Variants in ZNF385D observed in about 807,000 individuals in gnomAD.
The protein encoded by ZNF385D is zinc finger protein 659.
In ZNF385D, 15 loss-of-function variants were observed where a neutral mutation model predicts 35.8. The observed-to-expected ratio is 0.42, with a 90% CI of 0.28 to 0.64. ZNF385D has a LOEUF of 0.64. ZNF385D is among the 30% of genes least tolerant of loss of function. ZNF385D has a pLI of 0.23. For synonymous variants in ZNF385D, 212 were observed against 186.8 expected, an observed-to-expected ratio of 1.13 and a Z score of -1.10; for missense variants, 474 against 494.6, an observed-to-expected ratio of 0.96 and a Z score of 0.39.
chr3:22,100,486 T>C (rs1286443548), intron 3 of ZNF385D, among the ~76,000 whole-genome samples: 1 of 151,798 alleles, frequency 6.6e-6, no homozygotes, highest in Non-Finnish European at 1.5e-5. Flanking sequence ...ATATACACCA[T>C]GGATATACTA....
At chr3:22,102,341 G>C (rs1701981258) in intron 3 of ZNF385D, among the ~76,000 whole-genome samples, 1 of 151,902 alleles carries the variant, frequency 6.6e-6, no homozygotes, top group Admixed American at 6.6e-5. Context: ...GAAATGTGAA[G>C]AACCAAAAAC....
chr3:21,743,561 G>A (rs1319974215), intron 1 of ZNF385D, among the ~76,000 whole-genome samples: 2 of 152,188 alleles, frequency 1.3e-5, no homozygotes, highest in Non-Finnish European at 1.5e-5. Flanking sequence ...CTTTCTTCCT[G>A]GCTTGCAGCA....
At chr3:21,652,402 A>G (rs181745572) in intron 2 of ZNF385D, among the ~76,000 whole-genome samples, 40 of 152,214 alleles carry the variant, frequency 2.6e-4, no homozygotes, top group African/African-American at 9.6e-4. Context: ...ACATTTAAGT[A>G]TTTATACTGG....
intron 3 of ZNF385D, among the ~76,000 whole-genome samples, chr3:21,960,618 A>G (rs1702536089): frequency 6.6e-6 from 1 of 152,150 alleles, no homozygotes; most frequent in South Asian, 2.1e-4. Context: ...TCAGTATATA[A>G]AAAGGACACC....
chr3:21,811,727 T>A (rs2072929102), intron 3 of ZNF385D, among the ~76,000 whole-genome samples: 3 of 152,146 alleles, frequency 2.0e-5, no homozygotes, highest in Admixed American at 6.5e-5. Flanking sequence ...AATTACCTAT[T>A]TATAAAAGAA....
chr3:22,180,430 T>A (rs751597162), intron 2 of ZNF385D, among the ~76,000 whole-genome samples: 148 of 152,320 alleles, frequency 9.7e-4, no homozygotes, highest in Non-Finnish European at 1.8e-3. Flanking sequence ...CCCTAACTCA[T>A]TTTATGAGGC....
chr3:21,762,752 T>A (rs2070674456), intron 3 of ZNF385D, among the ~76,000 whole-genome samples: 1 of 152,188 alleles, frequency 6.6e-6, no homozygotes, highest in Non-Finnish European at 1.5e-5. Context: ...TGTGGAGAGC[T>A]GCCTTGTCAA....
chr3:22,254,899 G>A (rs1284163493), intron 2 of ZNF385D, among the ~76,000 whole-genome samples: 2 of 151,724 alleles, frequency 1.3e-5, no homozygotes, highest in Non-Finnish European at 2.9e-5. Context: ...CACAAAGATG[G>A]CCAAATAATT....
chr3:21,827,073 A>G (rs1694689098), intron 3 of ZNF385D, among the ~76,000 whole-genome samples: 1 of 152,202 alleles, frequency 6.6e-6, no homozygotes, highest in Non-Finnish European at 1.5e-5. Flanking sequence ...TGGAGAGTCT[A>G]ATAAATACCT....
chr3:22,227,095 C>T (rs1157755287), intron 2 of ZNF385D, among the ~76,000 whole-genome samples: 1 of 151,740 alleles, frequency 6.6e-6, no homozygotes, highest in Non-Finnish European at 1.5e-5. Context: ...AGGTGTCCAG[C>T]TATTTGTATA....
intron 3 of ZNF385D, among the ~76,000 whole-genome samples, chr3:22,039,902 C>G (rs917426699): frequency 2.6e-5 from 4 of 152,108 alleles, no homozygotes; most frequent in Non-Finnish European, 4.4e-5. Flanking sequence ...AGACTGCTGC[C>G]ACTGGCTCCC....
chr3:22,120,694 T>C (rs1482979918), intron 3 of ZNF385D, among the ~76,000 whole-genome samples: 1 of 152,144 alleles, frequency 6.6e-6, no homozygotes, highest in Non-Finnish European at 1.5e-5. Context: ...TGAGTAATAA[T>C]ACAATCTAGC....
chr3:22,131,368 T>TA (rs145472163), intron 3 of ZNF385D, among the ~76,000 whole-genome samples: 7 of 151,222 alleles, frequency 4.6e-5, no homozygotes, highest in Admixed American at 2.0e-4. Context: ...TGGAGTAGAT[T>TA]AAAAAAAAAG....
chr3:22,080,270 T>C (rs1183625959), intron 3 of ZNF385D, among the ~76,000 whole-genome samples: 3 of 152,106 alleles, frequency 2.0e-5, no homozygotes, highest in Non-Finnish European at 4.4e-5. Flanking sequence ...GCACCAAAGT[T>C]CTAATGATCT....
intron 3 of ZNF385D, among the ~76,000 whole-genome samples, chr3:22,105,066 G>A (rs899673533): frequency 1.2e-4 from 19 of 152,094 alleles, no homozygotes; most frequent in African/African-American, 4.3e-4. Context: ...TTAAAATGTA[G>A]TATTTTTTAT....
At chr3:21,724,291 G>C (rs1235949310) in intron 1 of ZNF385D, among the ~76,000 whole-genome samples, 1 of 151,372 alleles carries the variant, frequency 6.6e-6, no homozygotes, top group African/African-American at 2.4e-5. Context: ...GCTCAAATTC[G>C]CACATAACAA....
chr3:22,082,247 G>A (rs1202030198), intron 3 of ZNF385D, among the ~76,000 whole-genome samples: 1 of 152,092 alleles, frequency 6.6e-6, no homozygotes, highest in Non-Finnish European at 1.5e-5. Context: ...GCAGGGCAGG[G>A]CATCGCCTCA....
At chr3:22,174,576 G>A (rs1000933903) in intron 2 of ZNF385D, among the ~76,000 whole-genome samples, 2 of 152,076 alleles carry the variant, frequency 1.3e-5, no homozygotes, top group South Asian at 2.1e-4. Flanking sequence ...ATATCTAGAA[G>A]ACATTTAGCA....
intron 3 of ZNF385D, among the ~76,000 whole-genome samples, chr3:22,095,802 T>C (rs547632085): frequency 6.7e-6 from 1 of 149,824 alleles, no homozygotes; most frequent in South Asian, 2.1e-4. Flanking sequence ...TAATTCACTA[T>C]AAATCAATTT....
Sources: gnomAD v4.1 joint callset for allele counts (sites outside exome capture counted in the v4.1 genomes callset) on GRCh38, gnomAD v4.1.1 for gene constraint, MANE v1.5 for transcripts, NCBI Gene and HGNC (gene_info 2026-07-23, HGNC 2026-07-21) for gene names.